The following GRB2 variants were observed in gnomAD, a reference collection of about 807,000 sequenced individuals.
GRB2 encodes the protein growth factor receptor bound protein 2, also known as growth factor receptor-bound protein 2.
GRB2 carries 2 observed loss-of-function variants against 27.4 expected under a neutral mutation model. The ratio of observed to expected loss-of-function variants is 0.07; its 90% CI spans 0.03 to 0.23. GRB2 has a LOEUF of 0.23. GRB2 is among the 10% of genes least tolerant of loss of function. The probability of loss-of-function intolerance (pLI) is 1.00; values close to 1 mark genes in which losing one functional copy is unlikely to be tolerated. For synonymous variants in GRB2, 94 were observed against 99.6 expected (o/e 0.94, Z 0.33); for missense variants, 102 against 282.4 (o/e 0.36, Z 4.58).
At chr17:75,338,841 T>G (rs2078599830) in intron 2 of GRB2, 1 of 767,584 alleles carries the variant, frequency 1.3e-6, no homozygotes, top group African/African-American at 1.7e-5. Flanking sequence ...TCAACTTTCC[T>G]AAAATTCACT....
chr17:75,375,197 C>G (rs2078884354), intron 2 of GRB2, among the ~76,000 whole-genome samples: 1 of 152,082 alleles, frequency 6.6e-6, no homozygotes, highest in South Asian at 2.1e-4. Flanking sequence ...TGTGAGCCAG[C>G]TAGCCTGATC....
At chr17:75,330,588 C>T (rs769729746) in intron 3 of GRB2, among the ~76,000 whole-genome samples, 9 of 151,984 alleles carry the variant, frequency 5.9e-5, no homozygotes, top group African/African-American at 2.2e-4. Flanking sequence ...GCACAAGAAT[C>T]GCTTGAACCC....
At chr17:75,334,575 A>G (rs2078563805) in intron 2 of GRB2, among the ~76,000 whole-genome samples, 1 of 151,946 alleles carries the variant, frequency 6.6e-6, no homozygotes, top group Non-Finnish European at 1.5e-5. Flanking sequence ...CCACCATGCC[A>G]GTCCTACCTA....
chr17:75,347,237 A>ACCCCACCT (rs2078661228), intron 2 of GRB2, among the ~76,000 whole-genome samples: 1 of 151,934 alleles, frequency 6.6e-6, no homozygotes, highest in Non-Finnish European at 1.5e-5. Context: ...CTCCAGTGAA[A>ACCCCACCT]CCCCACCTCT....
At chr17:75,385,289 C>A (rs1393760843) in intron 2 of GRB2, among the ~76,000 whole-genome samples, 1 of 152,044 alleles carries the variant, frequency 6.6e-6, no homozygotes, top group Non-Finnish European at 1.5e-5. Flanking sequence ...ATAATCCCAA[C>A]ACTTTGGGAG....
intron 5 of GRB2, 152 bp downstream of exon 5, chr17:75,321,507 G>A: frequency 1.5e-6 from 1 of 666,298 alleles, no homozygotes; most frequent in East Asian, 2.6e-5. Flanking sequence ...GTGAATGGAG[G>A]GTAACATTTT....
chr17:75,392,821 C>T (rs184375632), intron 2 of GRB2, among the ~76,000 whole-genome samples: 20 of 152,262 alleles, frequency 1.3e-4, no homozygotes, highest in Admixed American at 2.6e-4. Flanking sequence ...TGGGGGAGAG[C>T]GAATCCTCAC....
At chr17:75,398,795 T>C (rs559112042) in intron 1 of GRB2, among the ~76,000 whole-genome samples, 1 of 152,328 alleles carries the variant, frequency 6.6e-6, no homozygotes, top group East Asian at 1.9e-4. Flanking sequence ...TCCCTCAGGC[T>C]GGAGTGCAGT....
At chr17:75,335,716 A>C (rs1264182495) in intron 2 of GRB2, among the ~76,000 whole-genome samples, 2 of 152,214 alleles carry the variant, frequency 1.3e-5, no homozygotes, top group Non-Finnish European at 2.9e-5. Flanking sequence ...TCTCAAAAAA[A>C]ATTAGCTAGT....
At chr17:75,369,649 G>A (rs980857216) in intron 2 of GRB2, among the ~76,000 whole-genome samples, 1 of 146,396 alleles carries the variant, frequency 6.8e-6, no homozygotes, top group Non-Finnish European at 1.5e-5. Flanking sequence ...GAGGTCAGGG[G>A]TTCAAGACCA....
chr17:75,369,988 A>G (rs2078845614), intron 2 of GRB2, among the ~76,000 whole-genome samples: 1 of 152,254 alleles, frequency 6.6e-6, no homozygotes, highest in Non-Finnish European at 1.5e-5. Flanking sequence ...GGATGGCATT[A>G]CTTACTCAAA....
At chr17:75,338,178 C>T (rs956246198) in intron 2 of GRB2, among the ~76,000 whole-genome samples, 1 of 152,014 alleles carries the variant, frequency 6.6e-6, no homozygotes, top group Non-Finnish European at 1.5e-5. Flanking sequence ...GATTTGCCTG[C>T]CTTGGCCTCC....
intron 2 of GRB2, among the ~76,000 whole-genome samples, chr17:75,381,692 G>A (rs1406142212): frequency 7.2e-6 from 1 of 138,056 alleles, no homozygotes; most frequent in African/African-American, 2.7e-5. Context: ...CTGCACTCCA[G>A]CCTGGGTGAT....
intron 2 of GRB2, among the ~76,000 whole-genome samples, chr17:75,339,758 C>G (rs1406919597): frequency 1.3e-5 from 2 of 152,094 alleles, no homozygotes; most frequent in East Asian, 3.9e-4. Context: ...TCCCAAGTAG[C>G]TGGGATTACA....
intron 1 of GRB2, chr17:75,404,849 A>G (rs1229277448): frequency 6.6e-6 from 1 of 152,216 alleles, no homozygotes; most frequent in Non-Finnish European, 1.5e-5. Context: ...ACAATCATAG[A>G]GAGGGCGCGC....
Position 75,325,879 on chromosome 17 carries a change from T to G in GRB2, c.299+19A>C. 1 of 1,612,848 alleles carries G rather than the reference T, an allele frequency of 6.2e-7. No homozygotes were observed. The highest frequency in any genetic ancestry group is 8.5e-7 in the Non-Finnish European group (1 of 1,179,744). On this transcript the variant is annotated intron_variant, in intron 4 of 5. Transcript: ENST00000316804. The stretch of plus-strand genomic sequence containing the variant: ...AGTCAGAGACAGGATTCCAGGCAAC[T>G]GCAGCAGGAAATACTTACTTGACAG...
chr17:75,352,849 G>A (rs576162734), intron 2 of GRB2, among the ~76,000 whole-genome samples: 86 of 150,498 alleles, frequency 5.7e-4, no homozygotes, highest in Non-Finnish European at 9.4e-4. Context: ...TCACAAGACC[G>A]TTCTCTGGGA....
At chr17:75,332,529 CTATGA>C (rs1264568958) in intron 3 of GRB2, among the ~76,000 whole-genome samples, 166 bp downstream of exon 3, 5 of 152,278 alleles carry the variant, frequency 3.3e-5, no homozygotes, top group East Asian at 1.9e-4. Flanking sequence ...ATATTATTGA[CTATGA>C]TATATTATTA....
intron 2 of GRB2, among the ~76,000 whole-genome samples, chr17:75,379,155 G>GCTAT (rs2078912164): frequency 6.6e-6 from 1 of 152,022 alleles, no homozygotes; most frequent in African/African-American, 2.4e-5. Flanking sequence ...AGTAACTATG[G>GCTAT]CTATATGCAT....
Sources: gnomAD v4.1 joint callset for allele counts (sites outside exome capture counted in the v4.1 genomes callset) on GRCh38, gnomAD v4.1.1 for gene constraint, MANE v1.5 for transcripts, NCBI Gene and HGNC (gene_info 2026-07-23, HGNC 2026-07-21) for gene names.